CLSTN2: variants seen among roughly 807,000 people sequenced by gnomAD.
CLSTN2 encodes calsyntenin-2.
Under a neutral mutation model 101.2 loss-of-function variants are expected in CLSTN2, and 48 were observed. The ratio of observed to expected loss-of-function variants is 0.47; its 90% CI spans 0.38 to 0.60. The LOEUF is 0.60. CLSTN2 is among the 20% of genes least tolerant of loss of function. The probability of loss-of-function intolerance (pLI) is 0.00; values close to 1 mark genes in which losing one functional copy is unlikely to be tolerated. For synonymous variants in CLSTN2, 481 were observed against 463.6 expected (o/e 1.04, Z -0.48); for missense variants, 1,160 against 1,238.2 (o/e 0.94, Z 0.95).
chr3:140,382,008 G>A (rs2087990990), intron 2 of CLSTN2, among the ~76,000 whole-genome samples: 1 of 152,132 alleles, frequency 6.6e-6, no homozygotes, highest in Non-Finnish European at 1.5e-5. Context: ...TGTTCCATAA[G>A]AGGAGGTTTG....
intron 1 of CLSTN2, among the ~76,000 whole-genome samples, chr3:139,968,737 A>G (rs1236741080): frequency 6.6e-6 from 1 of 152,224 alleles, no homozygotes; most frequent in Non-Finnish European, 1.5e-5. Context: ...TATTCCAGAA[A>G]CTCAATAGGT....
intron 1 of CLSTN2, among the ~76,000 whole-genome samples, chr3:140,039,085 ATTC>A (rs1278435820): frequency 6.6e-6 from 1 of 152,194 alleles, no homozygotes; most frequent in Non-Finnish European, 1.5e-5. Flanking sequence ...AACCTCGTTC[ATTC>A]ATCCAGTGGT....
chr3:140,306,763 G>T (rs2087117698), intron 2 of CLSTN2, among the ~76,000 whole-genome samples: 1 of 152,028 alleles, frequency 6.6e-6, no homozygotes, highest in African/African-American at 2.4e-5. Flanking sequence ...TCATGAGTCT[G>T]TCACTGAAGT....
intron 2 of CLSTN2, among the ~76,000 whole-genome samples, chr3:140,199,173 CAG>C (rs765299243): frequency 6.6e-6 from 1 of 152,172 alleles, no homozygotes; most frequent in Non-Finnish European, 1.5e-5. Context: ...TGTAAGTACG[CAG>C]AATATTGCAT....
chr3:140,047,071 C>T (rs1253430400), intron 1 of CLSTN2, among the ~76,000 whole-genome samples: 11 of 152,132 alleles, frequency 7.2e-5, no homozygotes, highest in Non-Finnish European at 1.3e-4. Context: ...ACCAAGATTG[C>T]TAGCATTGTG....
At chr3:139,977,656 CT>C (rs1935842180) in intron 1 of CLSTN2, among the ~76,000 whole-genome samples, 2 of 134,382 alleles carry the variant, frequency 1.5e-5, no homozygotes, top group African/African-American at 2.9e-5. Context: ...TTCATACTGA[CT>C]TTTTTGTTAA....
chr3:140,472,608 G>C (rs1933874965), intron 8 of CLSTN2, among the ~76,000 whole-genome samples: 1 of 152,200 alleles, frequency 6.6e-6, no homozygotes, highest in Admixed American at 6.5e-5. Flanking sequence ...AGGCCACTCT[G>C]CTCGGCATCC....
intron 2 of CLSTN2, among the ~76,000 whole-genome samples, chr3:140,261,646 GTGAGAAA>G (rs764093791): frequency 9.3e-5 from 14 of 151,168 alleles, no homozygotes; most frequent in Non-Finnish European, 1.6e-4. Context: ...AATTGACAAG[GTGAGAAA>G]TGTTTACTAT....
At chr3:140,044,922 T>C (rs1166397616) in intron 1 of CLSTN2, among the ~76,000 whole-genome samples, 1 of 152,212 alleles carries the variant, frequency 6.6e-6, no homozygotes, top group Non-Finnish European at 1.5e-5. Flanking sequence ...TGCTGCTGGA[T>C]TCGGTTTGCC....
intron 1 of CLSTN2, among the ~76,000 whole-genome samples, chr3:140,032,538 T>C (rs2007575079): frequency 6.6e-6 from 1 of 152,176 alleles, no homozygotes; most frequent in Non-Finnish European, 1.5e-5. Context: ...GGTTTTGCCA[T>C]ATTGGCCAGG....
intron 2 of CLSTN2, among the ~76,000 whole-genome samples, chr3:140,224,845 AAC>A (rs1298568497): frequency 6.6e-6 from 1 of 152,214 alleles, no homozygotes; most frequent in African/African-American, 2.4e-5. Context: ...TGTTCTGAGA[AAC>A]ACATGAAGGA....
intron 1 of CLSTN2, among the ~76,000 whole-genome samples, chr3:140,104,482 A>C (rs1423588429): frequency 6.6e-6 from 1 of 152,222 alleles, no homozygotes; most frequent in East Asian, 1.9e-4. Context: ...CCCTAATGCC[A>C]TTGGCTAAGA....
At chr3:140,198,813 T>A (rs1311311021) in intron 2 of CLSTN2, among the ~76,000 whole-genome samples, 1 of 152,232 alleles carries the variant, frequency 6.6e-6, no homozygotes, top group African/African-American at 2.4e-5. Flanking sequence ...AAACAGTGGC[T>A]GAATTTAGCC....
intron 2 of CLSTN2, among the ~76,000 whole-genome samples, chr3:140,190,649 A>C (rs971425656): frequency 4.6e-5 from 7 of 151,982 alleles, no homozygotes; most frequent in African/African-American, 1.7e-4. Flanking sequence ...TCTTATATTT[A>C]TATCTAAGTA....
At chr3:140,307,183 G>A (rs1342083353) in intron 2 of CLSTN2, among the ~76,000 whole-genome samples, 1 of 152,128 alleles carries the variant, frequency 6.6e-6, no homozygotes, top group African/African-American at 2.4e-5. Context: ...CAGCCACATG[G>A]AACTGTAAGC....
rs2010207460 is a variant in CLSTN2, at chr3:140,171,239, TG to T, written c.110-4710del. On this transcript the variant is annotated intron_variant, in intron 1 of 16. Transcript: ENST00000458420. Reference sequence around the variant, plus strand: ...CAGTCCGAATGCCAAACTGTGAAAATGGATGTACCTACTGTCCAATTCACAC... The same window carrying T: ...CAGTCCGAATGCCAAACTGTGAAAATGATGTACCTACTGTCCAATTCACAC... Among the ~76,000 whole-genome samples, 5 of 152,104 alleles carry T rather than the reference TG, an allele frequency of 3.3e-5. No individual in the cohort carries two copies. In the South Asian group the frequency reaches 1.0e-3, roughly 32 times the overall value.
intron 4 of CLSTN2, among the ~76,000 whole-genome samples, chr3:140,407,522 T>C (rs2088317012): frequency 6.6e-6 from 1 of 152,218 alleles, no homozygotes; most frequent in Non-Finnish European, 1.5e-5. Context: ...GTTGTGAGTA[T>C]TCAAGGAGAA....
At chr3:140,029,219 C>A (rs1209761945) in intron 1 of CLSTN2, among the ~76,000 whole-genome samples, 1 of 152,116 alleles carries the variant, frequency 6.6e-6, no homozygotes, top group Non-Finnish European at 1.5e-5. Flanking sequence ...TTCTAAGTTT[C>A]TCTTAGGTTG....
In CLSTN2 at chr3:139,999,204, G is replaced by T. The variant is rs372822020; in HGVS notation, c.109+63721G>T. Among the ~76,000 whole-genome samples the T allele has an allele frequency of 4.3e-4, 66 of 152,230 alleles. No individual in the cohort carries two copies. In the South Asian group the frequency reaches 7.5e-3, roughly 17 times the overall value. ...ATTTCAACTTTTATTTTAGATACAG[G>T]GGGTACATGAGCAAGTTTGTTACAT... On this transcript the variant is annotated intron_variant, in intron 1 of 16. Coordinates refer to ENST00000458420, the MANE Select transcript of CLSTN2 (RefSeq NM_022131.3).
Sources: allele counts gnomAD v4.1 joint callset (sites outside exome capture counted in the v4.1 genomes callset), GRCh38; gene constraint gnomAD v4.1.1; transcripts MANE v1.5; gene names NCBI Gene and HGNC (gene_info 2026-07-23, HGNC 2026-07-21).